Variants in NEK10 observed in about 807,000 individuals in gnomAD.
NEK10 encodes the protein serine/threonine-protein kinase Nek10.
NEK10 carries 122 observed loss-of-function variants against 159.8 expected under a neutral mutation model. The observed-to-expected ratio is 0.76, with a 90% confidence interval of 0.66 to 0.89. The LOEUF (loss-of-function observed/expected upper bound fraction) is 0.89, where lower values mean the gene tolerates loss of function less well. Among genes scored for constraint, NEK10 ranks in the 40% least tolerant of loss-of-function variants. The pLI is 0.00. For missense variants in NEK10, 1,342 were observed against 1,323.1 expected, an observed-to-expected ratio of 1.01 and a Z score of -0.22; for synonymous variants, 466 against 457.1, an observed-to-expected ratio of 1.02 and a Z score of -0.25.
intron 22 of NEK10, among the ~76,000 whole-genome samples, chr3:27,265,284 C>A (rs2149370544): frequency 6.6e-6 from 1 of 151,990 alleles, no homozygotes; most frequent in East Asian, 1.9e-4. Context: ...TTAAATTTCC[C>A]TTTGAAAAAT....
rs1368343767 is a variant in NEK10, at chr3:27,108,713, T to C, written c.*2559A>G. 1.3e-5 allele frequency among the ~76,000 whole-genome samples: 2 copies of C among 152,186 alleles called. No homozygotes were observed. Among genetic ancestry groups the C allele is most frequent in the African/African-American group, 4.8e-5 (2 of 41,450 alleles). On this transcript the variant is annotated 3_prime_UTR_variant, in exon 36 of 36. Coordinates refer to ENST00000691995, the MANE Select transcript of NEK10 (RefSeq NM_001394966.1). ...AGGTCTATGAAGTTCATGTAACAAC[T>C]CCTTTGCACTAATAGACAGTTTGGA...
Position 27,284,589 on chromosome 3 carries a change from T to C in NEK10, c.2014+13A>G. 7 of 1,442,316 alleles carry C rather than the reference T, an allele frequency of 4.9e-6. No homozygotes were observed. The highest frequency in any genetic ancestry group is 6.8e-6 in the Non-Finnish European group (7 of 1,023,916). 89.3% of individuals were successfully genotyped at this position (1,442,316 alleles called of 1,614,324 possible). A position where few individuals can be genotyped will look rare whatever the true frequency, so the allele number is the denominator to read the frequency against. ...AATTCTTCAGTTAAAAGTTTAAAAA[T>C]CTTTATACTTACTAACGGTTACTTT... is the stretch of plus-strand genomic sequence containing the variant. On this transcript the variant is annotated intron_variant, in intron 22 of 35. Transcript: ENST00000691995.
intron 22 of NEK10, among the ~76,000 whole-genome samples, chr3:27,260,457 T>G (rs2040304991): frequency 6.6e-6 from 1 of 152,240 alleles, no homozygotes; most frequent in African/African-American, 2.4e-5. Flanking sequence ...CAAAGGCCTT[T>G]TCTGCATCTG....
chr3:27,231,186 AC>A (rs1360472818), intron 23 of NEK10, among the ~76,000 whole-genome samples: 1 of 152,030 alleles, frequency 6.6e-6, no homozygotes, highest in South Asian at 2.1e-4. Context: ...AGTGGAATAA[AC>A]CTGGAAATCA....
At chr3:27,261,794 T>C (rs1425186398) in intron 22 of NEK10, among the ~76,000 whole-genome samples, 15 of 152,170 alleles carry the variant, frequency 9.9e-5, no homozygotes, top group African/African-American at 2.9e-4. Context: ...CTTTCTGTCT[T>C]GTTGATCTGT....
chr3:27,307,827 G>A, intron 11 of NEK10, 32 bp downstream of exon 11: 1 of 988,020 alleles, frequency 1.0e-6, no homozygotes, highest in Non-Finnish European at 1.6e-6. Flanking sequence ...TAAAGGCACT[G>A]CATTGTCTTT....
intron 23 of NEK10, among the ~76,000 whole-genome samples, chr3:27,221,540 A>C (rs1007118499): frequency 1.3e-5 from 2 of 152,214 alleles, no homozygotes; most frequent in Non-Finnish European, 2.9e-5. Context: ...TTGGAAGACA[A>C]TTTGGCAGTT....
At chr3:27,161,323 A>C (rs1047312881) in intron 30 of NEK10, among the ~76,000 whole-genome samples, 1 of 152,222 alleles carries the variant, frequency 6.6e-6, no homozygotes, top group Non-Finnish European at 1.5e-5. Flanking sequence ...TAATAAAACC[A>C]TCATTTTTGG....
chr3:27,301,662 A>C (rs2043833758), intron 13 of NEK10, 34 bp downstream of exon 13: 1 of 1,427,580 alleles, frequency 7.0e-7, no homozygotes, highest in Non-Finnish European at 9.7e-7. Flanking sequence ...CAACACAATA[A>C]ATTATAGCAT....
intron 26 of NEK10, among the ~76,000 whole-genome samples, chr3:27,181,553 T>C (rs1353946102): frequency 6.6e-6 from 1 of 152,112 alleles, no homozygotes; most frequent in Non-Finnish European, 1.5e-5. Flanking sequence ...AAACCCACAT[T>C]GTTTAAAGGT....
chr3:27,247,417 T>A (rs1288328790), intron 23 of NEK10, among the ~76,000 whole-genome samples: 3 of 152,226 alleles, frequency 2.0e-5, no homozygotes, highest in East Asian at 1.9e-4. Flanking sequence ...GTTGATACAA[T>A]GTATCACATT....
At chr3:27,290,480 A>G (rs1045485866) in intron 19 of NEK10, 137 bp downstream of exon 19, 2 of 626,222 alleles carry the variant, frequency 3.2e-6, no homozygotes, top group Admixed American at 7.4e-5. Flanking sequence ...AAGCTGGCAA[A>G]AATATCACTG....
Position 27,291,543 on chromosome 3 carries a change from G to A in NEK10, c.1417C>T (p.His473Tyr). 2 of 1,610,040 alleles carry A rather than the reference G, an allele frequency of 1.2e-6. No homozygotes were observed. Among genetic ancestry groups the A allele is most frequent in the African/African-American group, 1.3e-5 (1 of 74,980 alleles). ...DLFEIFIDIG[H>Y]YVRDISAYEE... ...TAAGCACTGATATCACGTACATAAT[G>A]CCCTATGTCAATGAAGATCTCAAAC... The change falls in exon 17 of 36, where the codon CAT (histidine) becomes TAT (tyrosine). Residue 473 changes from histidine (H) to tyrosine (Y), a missense_variant. Physicochemically the swap from His to Tyr is moderately conservative, Grantham distance 83 (BLOSUM62 2). Coordinates refer to ENST00000691995, the MANE Select transcript of NEK10 (RefSeq NM_001394966.1).
chr3:27,352,111 A>G (rs951855339), intron 3 of NEK10, among the ~76,000 whole-genome samples: 4 of 152,178 alleles, frequency 2.6e-5, no homozygotes, highest in African/African-American at 9.7e-5. Context: ...AAAATGTGGT[A>G]GAAAGTGCTT....
chr3:27,141,441 G>C (rs765763245), intron 31 of NEK10, 41 bp downstream of exon 31: 9 of 1,448,112 alleles, frequency 6.2e-6, no homozygotes, highest in Non-Finnish European at 8.6e-6. Flanking sequence ...CACCAAACTT[G>C]CATTTAAGAT....
intron 26 of NEK10, among the ~76,000 whole-genome samples, chr3:27,186,551 A>G (rs1948639067): frequency 3.9e-5 from 6 of 152,140 alleles, no homozygotes; most frequent in Admixed American, 3.3e-4. Flanking sequence ...CTGTTGATGG[A>G]GATACACGGA....
Position 27,229,031 on chromosome 3 carries a change from C to A in NEK10, c.2091-26474G>T, listed in dbSNP as rs1380638902. ...ACTGGTTCCTACTCAGGGATACCCC[C>A]CCTACTGGCCTGAAGCGTGAATCAT... On this transcript the variant is annotated intron_variant, in intron 23 of 35. Coordinates refer to ENST00000691995, the MANE Select transcript of NEK10 (RefSeq NM_001394966.1). Among the ~76,000 whole-genome samples the A allele has an allele frequency of 2.0e-5, 3 of 152,222 alleles. No homozygotes were observed. In the South Asian group the frequency reaches 6.2e-4, roughly 32 times the overall value.
At chr3:27,224,513 C>T (rs1377385487) in intron 23 of NEK10, among the ~76,000 whole-genome samples, 2 of 152,222 alleles carry the variant, frequency 1.3e-5, no homozygotes, top group African/African-American at 4.8e-5. Flanking sequence ...TTCCTTCCCT[C>T]CCACAATCGA....
At chr3:27,237,037 C>T (rs973216201) in intron 23 of NEK10, among the ~76,000 whole-genome samples, 1 of 152,110 alleles carries the variant, frequency 6.6e-6, no homozygotes, top group Non-Finnish European at 1.5e-5. Flanking sequence ...TGCATTCCTT[C>T]CCCTGGGTAT....
Sources: gnomAD v4.1 joint callset for allele counts (sites outside exome capture counted in the v4.1 genomes callset) on GRCh38, gnomAD v4.1.1 for gene constraint, MANE v1.5 for transcripts, NCBI Gene and HGNC (gene_info 2026-07-23, HGNC 2026-07-21) for gene names.